The following SLC13A3 variants were observed in gnomAD, a reference collection of about 807,000 sequenced individuals.
SLC13A3 encodes Na(+)/dicarboxylate cotransporter 3.
A neutral mutation model predicts 59.0 loss-of-function variants in SLC13A3; 40 were observed. The observed-to-expected ratio is 0.68, with a 90% CI of 0.53 to 0.88. The LOEUF (loss-of-function observed/expected upper bound fraction) is 0.88. SLC13A3 is among the 40% of genes least tolerant of loss of function. The pLI is 0.00. For missense variants in SLC13A3, 699 were observed against 783.2 expected, an observed-to-expected ratio of 0.89 and a Z score of 1.28; for synonymous variants, 317 against 330.3, an observed-to-expected ratio of 0.96 and a Z score of 0.44.
At chr20:46,591,164 C>CTAAATAAA (rs56802241) in intron 6 of SLC13A3, among the ~76,000 whole-genome samples, 5,532 of 148,974 alleles carry the variant, frequency 0.037, 282 homozygotes, top group African/African-American at 0.11. Flanking sequence ...GAGACTTTGT[C>CTAAATAAA]TAAATAAATA....
intron 1 of SLC13A3, among the ~76,000 whole-genome samples, chr20:46,635,064 T>G (rs550525588): frequency 6.6e-6 from 1 of 152,278 alleles, no homozygotes; most frequent in African/African-American, 2.4e-5. Context: ...ATTTTAGTTT[T>G]TCTGTGACCA....
intron 9 of SLC13A3, among the ~76,000 whole-genome samples, chr20:46,581,982 G>C (rs900458687): frequency 2.0e-5 from 3 of 152,130 alleles, no homozygotes; most frequent in Non-Finnish European, 2.9e-5. Context: ...CTGAGGTCCA[G>C]CTATGCTACA....
At chr20:46,609,572 T>C (rs1273608580) in intron 3 of SLC13A3, among the ~76,000 whole-genome samples, 1 of 152,226 alleles carries the variant, frequency 6.6e-6, no homozygotes, top group Non-Finnish European at 1.5e-5. Flanking sequence ...CATCATACAT[T>C]GCTTACAAAA....
At chr20:46,646,175 T>C (rs902286549) in intron 1 of SLC13A3, among the ~76,000 whole-genome samples, 1 of 152,178 alleles carries the variant, frequency 6.6e-6, no homozygotes, top group African/African-American at 2.4e-5. Context: ...GGAAAACCTC[T>C]GTTGGGGAAA....
intron 1 of SLC13A3, among the ~76,000 whole-genome samples, chr20:46,620,926 A>G (rs2062607822): frequency 6.6e-6 from 1 of 152,204 alleles, no homozygotes; most frequent in Non-Finnish European, 1.5e-5. Context: ...TTCTTCTAAG[A>G]ATTGTAACAG....
chr20:46,657,979 C>G (rs1427892483), intron 1 of SLC13A3, among the ~76,000 whole-genome samples: 1 of 152,106 alleles, frequency 6.6e-6, no homozygotes, highest in Admixed American at 6.5e-5. Context: ...GAGATTTGGA[C>G]AGGACAAACA....
At chr20:46,624,847 C>T (rs1187017161) in intron 1 of SLC13A3, among the ~76,000 whole-genome samples, 1 of 152,100 alleles carries the variant, frequency 6.6e-6, no homozygotes, top group African/African-American at 2.4e-5. Flanking sequence ...TAAAATCCTG[C>T]CTAAGAGGTC....
chr20:46,579,988 C>A (rs2062119290), intron 9 of SLC13A3, among the ~76,000 whole-genome samples: 1 of 151,750 alleles, frequency 6.6e-6, no homozygotes, highest in Non-Finnish European at 1.5e-5. Flanking sequence ...TTTTTTGAGA[C>A]AGAGTCTTAC....
rs557257210 is a variant in SLC13A3, at chr20:46,668,097, T to C, written c.-31+1946A>G. On this transcript the variant is annotated intron_variant, in intron 1 of 12. Coordinates refer to the SLC13A3 transcript ENST00000290317. ...CTCCCTATTCCCTGAGATACAATAC[T>C]ATTGAAATTAGTCCAACTAATAATC... Among the ~76,000 whole-genome samples, 5 of 152,352 alleles carry C rather than the reference T, an allele frequency of 3.3e-5. No individual in the cohort carries two copies. In the East Asian group the frequency reaches 9.6e-4, roughly 29 times the overall value.
intron 12 of SLC13A3, among the ~76,000 whole-genome samples, chr20:46,562,736 TGTCTC>T (rs1264131790): frequency 5.3e-5 from 8 of 152,174 alleles, no homozygotes; most frequent in Non-Finnish European, 1.2e-4. Flanking sequence ...AATGAGTCTC[TGTCTC>T]GTCTCTTCTC....
At chr20:46,578,765 C>T (rs1488697089) in intron 9 of SLC13A3, among the ~76,000 whole-genome samples, 2 of 151,992 alleles carry the variant, frequency 1.3e-5, no homozygotes, top group Admixed American at 6.6e-5. Context: ...CAGGAAGACG[C>T]TTTTCTAGAT....
intron 4 of SLC13A3, among the ~76,000 whole-genome samples, chr20:46,598,586 G>C (rs1001013814): frequency 3.9e-5 from 6 of 152,290 alleles, no homozygotes; most frequent in African/African-American, 1.4e-4. Context: ...ACAGTCATGA[G>C]TGGCTGAACC....
rs185083872 is a variant in SLC13A3, at chr20:46,566,986, T to G, written c.1333-596A>C. On this transcript the variant is annotated intron_variant, in intron 10 of 12. Transcript: ENST00000279027. Reference sequence around the variant, plus strand: ...TGGGAGGCTGAGGTAGGCGGATCACTTGAGGTCAGGAGTTCGAGACCAGGC... The same window carrying G: ...TGGGAGGCTGAGGTAGGCGGATCACGTGAGGTCAGGAGTTCGAGACCAGGC... 1.6e-4 allele frequency among the ~76,000 whole-genome samples: 25 copies of G among 152,138 alleles called. No homozygotes were observed. In the East Asian group the frequency reaches 3.9e-3, roughly 24 times the overall value.
chr20:46,583,354 G>T, intron 9 of SLC13A3: 1 of 1,243,906 alleles, frequency 8.0e-7, no homozygotes, highest in Non-Finnish European at 1.0e-6. Flanking sequence ...CAGATAGCAG[G>T]CTGGATTTGG....
chr20:46,635,725 C>T (rs563860994), intron 1 of SLC13A3, among the ~76,000 whole-genome samples: 1 of 152,094 alleles, frequency 6.6e-6, no homozygotes, highest in African/African-American at 2.4e-5. Context: ...GTTAGGCAGC[C>T]TAAGTCACAG....
rs967015116 is a variant in SLC13A3 at position 46,589,318 on chromosome 20, ACAAGCAC to A, written c.921-70_921-64del. The A allele has an allele frequency of 2.2e-5, 31 of 1,381,466 alleles. No individual in the cohort carries two copies. In the African/African-American group the frequency reaches 2.4e-4, roughly 11 times the overall value. 85.6% of individuals were successfully genotyped at this position (1,381,466 alleles called of 1,614,324 possible). A position where few individuals can be genotyped will look rare whatever the true frequency, so the allele number is the denominator to read the frequency against. ...AGGTATAACTAACTTCTCACCTACA[ACAAGCAC>A]CACCACCTGACCAAGCCACATCCTC... On this transcript the variant is annotated intron_variant, in intron 6 of 12. Transcript: ENST00000279027.
intron 1 of SLC13A3, among the ~76,000 whole-genome samples, chr20:46,680,373 T>C (rs1384408495): frequency 1.3e-5 from 2 of 152,248 alleles, no homozygotes; most frequent in African/African-American, 4.8e-5. Context: ...ATTGTCACCA[T>C]GTGCCATGCA....
intron 1 of SLC13A3, among the ~76,000 whole-genome samples, chr20:46,648,961 A>G (rs2062925956): frequency 6.6e-6 from 1 of 151,758 alleles, no homozygotes; most frequent in Admixed American, 6.6e-5. Flanking sequence ...ACACACACAC[A>G]CACACATAAA....
rs116352958 is a variant in SLC13A3 at position 46,582,088 on chromosome 20, G to T, written c.1219+1484C>A. Among the ~76,000 whole-genome samples, 629 of 152,168 alleles carry T rather than the reference G, an allele frequency of 4.1e-3. 2 individuals are homozygous for T. The highest frequency in any genetic ancestry group is 0.014 in the African/African-American group (598 of 41,522). On this transcript the variant is annotated intron_variant, in intron 9 of 12. Coordinates refer to ENST00000279027, the MANE Select transcript of SLC13A3 (RefSeq NM_022829.6). ...GGGTCACTTGAGGCTAGGAGTTCAA[G>T]ACCAGCCTGGGTAATGTAGCAAGAC...
Sources: allele counts gnomAD v4.1 joint callset (sites outside exome capture counted in the v4.1 genomes callset), GRCh38; gene constraint gnomAD v4.1.1; transcripts MANE v1.5; gene names NCBI Gene and HGNC (gene_info 2026-07-23, HGNC 2026-07-21).